The following AGBL4 variants were observed in gnomAD, a reference collection of about 807,000 sequenced individuals.
AGBL4 encodes AGBL carboxypeptidase 4.
AGBL4 carries 58 observed loss-of-function variants against 66.4 expected under a neutral mutation model. The observed-to-expected ratio is 0.87, with a 90% CI of 0.71 to 1.09. The LOEUF (loss-of-function observed/expected upper bound fraction) is 1.09. Among genes scored for constraint, AGBL4 ranks in the 50% least tolerant of loss-of-function variants. The pLI is 0.00. For missense variants in AGBL4, 579 were observed against 631.0 expected, an observed-to-expected ratio of 0.92 and a Z score of 0.88; for synonymous variants, 234 against 222.9, an observed-to-expected ratio of 1.05 and a Z score of -0.44.
At chr1:49,094,050 T>C (rs1645047417) in intron 4 of AGBL4, among the ~76,000 whole-genome samples, 1 of 152,150 alleles carries the variant, frequency 6.6e-6, no homozygotes, top group Non-Finnish European at 1.5e-5. Flanking sequence ...TTTTGTGAGA[T>C]AGACAGAAAA....
At chr1:48,607,110 C>A (rs1645165295) in intron 9 of AGBL4, among the ~76,000 whole-genome samples, 1 of 152,140 alleles carries the variant, frequency 6.6e-6, no homozygotes, top group Admixed American at 6.5e-5. Context: ...GTTCAGTAAT[C>A]TTTTTCATAC....
chr1:48,900,160 AG>A (rs1651944052), intron 5 of AGBL4, among the ~76,000 whole-genome samples: 5 of 152,166 alleles, frequency 3.3e-5, no homozygotes, highest in African/African-American at 1.2e-4. Context: ...TTGAGAGACC[AG>A]AGTGTCTGGA....
At chr1:49,373,239 A>C (rs567241510) in intron 3 of AGBL4, among the ~76,000 whole-genome samples, 2 of 152,194 alleles carry the variant, frequency 1.3e-5, no homozygotes, top group Non-Finnish European at 1.5e-5. Flanking sequence ...TGTGAGCAAA[A>C]ACCGTACTTT....
chr1:49,893,078 C>T (rs557994201), intron 1 of AGBL4, among the ~76,000 whole-genome samples: 1 of 152,172 alleles, frequency 6.6e-6, no homozygotes, highest in East Asian at 1.9e-4. Context: ...AGAAACAGGT[C>T]CACCAAAGTG....
At chr1:49,973,500 G>T (rs995559326) in intron 1 of AGBL4, among the ~76,000 whole-genome samples, 18 of 151,670 alleles carry the variant, frequency 1.2e-4, no homozygotes, top group African/African-American at 4.3e-4. Context: ...TACTGATTTA[G>T]AGTATACGTG....
chr1:49,855,673 T>C (rs1646414878), intron 1 of AGBL4, among the ~76,000 whole-genome samples: 2 of 151,486 alleles, frequency 1.3e-5, no homozygotes, highest in Non-Finnish European at 2.9e-5. Context: ...ATGAAAAAAA[T>C]TAAGAAGAAA....
chr1:49,296,863 A>G (rs541904473), intron 3 of AGBL4, among the ~76,000 whole-genome samples: 1 of 152,240 alleles, frequency 6.6e-6, no homozygotes, highest in Non-Finnish European at 1.5e-5. Context: ...TGCAGTGAAG[A>G]TTCTAGAAAA....
intron 5 of AGBL4, among the ~76,000 whole-genome samples, chr1:49,032,599 A>C (rs983825452): frequency 6.6e-6 from 1 of 152,152 alleles, no homozygotes; most frequent in East Asian, 1.9e-4. Context: ...GGTTAGGAGA[A>C]CTGGGACATT....
chr1:49,401,449 G>T (rs1284872630), intron 3 of AGBL4, among the ~76,000 whole-genome samples: 13 of 152,082 alleles, frequency 8.5e-5, no homozygotes. Flanking sequence ...TCATTTCACT[G>T]GTATGATGTA....
intron 5 of AGBL4, among the ~76,000 whole-genome samples, chr1:48,911,547 G>A (rs1460114420): frequency 6.6e-6 from 1 of 151,050 alleles, no homozygotes; most frequent in Admixed American, 6.6e-5. Flanking sequence ...GTGAACCCGG[G>A]AGGCAGAGAT....
intron 3 of AGBL4, among the ~76,000 whole-genome samples, chr1:49,437,024 G>T (rs2148663448): frequency 6.6e-6 from 1 of 152,262 alleles, no homozygotes; most frequent in South Asian, 2.1e-4. Context: ...AAAGCCATTA[G>T]GTGGAGCAGT....
At position 49,285,720 on chromosome 1, in the gene AGBL4, C is replaced by A. The variant is rs575358020; in HGVS notation, c.283-39856G>T. On this transcript the variant is annotated intron_variant, in intron 3 of 13. Transcript: ENST00000371839. Reference sequence around the variant, plus strand: ...ACCAATCCCACAGAAATACAGACTACCATCAGAGAATACTACAAACACCTC... The same window carrying A: ...ACCAATCCCACAGAAATACAGACTAACATCAGAGAATACTACAAACACCTC... Among the ~76,000 whole-genome samples, 10 of 152,224 alleles carry A rather than the reference C, an allele frequency of 6.6e-5. No homozygotes were observed. The South Asian group carries it at 2.1e-3, about 32-fold the overall frequency.
chr1:48,732,387 T>C (rs767564522), intron 6 of AGBL4, among the ~76,000 whole-genome samples: 16 of 152,226 alleles, frequency 1.1e-4, no homozygotes, highest in Non-Finnish European at 2.2e-4. Flanking sequence ...TCAACAAATA[T>C]TTATTGAGCA....
chr1:48,657,760 C>G (rs319998), intron 7 of AGBL4, among the ~76,000 whole-genome samples: 75,411 of 152,126 alleles, frequency 0.5, 19,969 homozygotes, highest in Middle Eastern at 0.65. Context: ...CCTTGAGGAA[C>G]ATAAATGAGA....
At chr1:49,862,392 G>GA (rs1646596396) in intron 1 of AGBL4, among the ~76,000 whole-genome samples, 1 of 149,676 alleles carries the variant, frequency 6.7e-6, no homozygotes. Flanking sequence ...ACAGGATCTA[G>GA]AAAATAGCCT....
chr1:49,496,292 A>G (rs1372031001), intron 3 of AGBL4, among the ~76,000 whole-genome samples: 3 of 152,024 alleles, frequency 2.0e-5, no homozygotes, highest in Non-Finnish European at 4.4e-5. Flanking sequence ...ATTATCATGC[A>G]TAATATGATT....
intron 2 of AGBL4, among the ~76,000 whole-genome samples, chr1:49,742,963 C>T (rs975159470): frequency 3.3e-5 from 5 of 151,920 alleles, no homozygotes; most frequent in African/African-American, 9.7e-5. Context: ...AAAAAACCTA[C>T]GCAATACCAT....
chr1:48,658,800 C>A (rs559543092), intron 7 of AGBL4, among the ~76,000 whole-genome samples: 1 of 151,890 alleles, frequency 6.6e-6, no homozygotes, highest in Non-Finnish European at 1.5e-5. Flanking sequence ...TGCTTGGTCC[C>A]GGTGCCTGGC....
At position 49,557,675 on chromosome 1, in the gene AGBL4, C is replaced by A. The variant is rs111548628; in HGVS notation, c.282+139638G>T. Among the ~76,000 whole-genome samples the A allele has an allele frequency of 3.9e-3, 586 of 152,174 alleles. 4 individuals carry two copies. Among genetic ancestry groups the A allele is most frequent in the Non-Finnish European group, 6.3e-3 (429 of 68,010 alleles). ...CACCAAGGGCTAAAGTGGTCTGGGT[C>A]TCTAAGTAAACATAAAAGGCAGCCT... On this transcript the variant is annotated intron_variant, in intron 3 of 13. Coordinates refer to ENST00000371839, the MANE Select transcript of AGBL4 (RefSeq NM_032785.4).
Sources: allele counts gnomAD v4.1 joint callset (sites outside exome capture counted in the v4.1 genomes callset), GRCh38; gene constraint gnomAD v4.1.1; transcripts MANE v1.5; gene names NCBI Gene and HGNC (gene_info 2026-07-23, HGNC 2026-07-21).